The following IKZF2 variants were observed in gnomAD, a reference collection of about 807,000 sequenced individuals.
IKZF2 encodes the protein zinc finger protein Helios.
A neutral mutation model predicts 49.2 loss-of-function variants in IKZF2; 15 were observed. The ratio of observed to expected loss-of-function variants is 0.30; its 90% CI spans 0.20 to 0.47. IKZF2 has a LOEUF of 0.47. IKZF2 is among the 20% of genes least tolerant of loss of function. IKZF2 has a pLI of 1.00. For missense variants in IKZF2, 567 were observed against 664.6 expected (o/e 0.85, Z 1.61); for synonymous variants, 227 against 221.4 (o/e 1.03, Z -0.23).
intron 4 of IKZF2, among the ~76,000 whole-genome samples, chr2:213,075,650 T>A (rs62187851): frequency 0.3 from 46,052 of 151,992 alleles, 8,062 homozygotes; most frequent in Non-Finnish European, 0.4. Flanking sequence ...AAAACTAGAA[T>A]CCTCAAAGGA....
rs948833010 is a variant in IKZF2, at chr2:213,054,013, G to A, written c.406+2820C>T. On this transcript the variant is annotated intron_variant, in intron 5 of 8. Coordinates refer to ENST00000434687, the MANE Select transcript of IKZF2 (RefSeq NM_001387220.1). Reference sequence around the variant, plus strand: ...CACGCCTGTAATCCCAGCACTTTGAGAGGCTAGGGTGGGTGGAACAACTGA... The same window carrying A: ...CACGCCTGTAATCCCAGCACTTTGAAAGGCTAGGGTGGGTGGAACAACTGA... Among the ~76,000 whole-genome samples the A allele has an allele frequency of 2.8e-4, 42 of 152,172 alleles. 1 individual carries two copies.
intron 4 of IKZF2, among the ~76,000 whole-genome samples, chr2:213,127,828 A>G (rs1357297307): frequency 2.0e-5 from 3 of 152,166 alleles, no homozygotes; most frequent in Non-Finnish European, 4.4e-5. Context: ...CCAATTAACT[A>G]ACTTAAGAAT....
intron 4 of IKZF2, among the ~76,000 whole-genome samples, chr2:213,086,513 G>A (rs1326613814): frequency 6.6e-6 from 1 of 152,172 alleles, no homozygotes; most frequent in Non-Finnish European, 1.5e-5. Flanking sequence ...CTGATCCCAT[G>A]GTATTAAGGT....
At chr2:213,059,666 G>A (rs1701494430) in intron 4 of IKZF2, among the ~76,000 whole-genome samples, 1 of 151,480 alleles carries the variant, frequency 6.6e-6, no homozygotes, top group Admixed American at 6.6e-5. Context: ...TGTAGTTTTA[G>A]AACCTGAAAC....
intron 4 of IKZF2, among the ~76,000 whole-genome samples, chr2:213,111,130 T>C (rs146191712): frequency 1.3e-5 from 2 of 152,184 alleles, no homozygotes; most frequent in East Asian, 3.8e-4. Flanking sequence ...TTATTTTAAA[T>C]GAATTAATCC....
At position 213,011,794 on chromosome 2, in the gene IKZF2, A is replaced by G. The variant is rs114978697; in HGVS notation, c.856+1997T>C. On this transcript the variant is annotated intron_variant, in intron 8 of 8. Coordinates refer to ENST00000434687, the MANE Select transcript of IKZF2 (RefSeq NM_001387220.1). ...AGCCTGTGGAATTTTCTCCAAAAGT[A>G]CCAGATGTGCAGGCTGGGGTGCACA... Among the ~76,000 whole-genome samples the G allele has an allele frequency of 9.4e-3, 1,431 of 151,838 alleles. 24 individuals are homozygous for G. Among genetic ancestry groups the G allele is most frequent in the African/African-American group, 0.033 (1,366 of 41,418 alleles).
chr2:213,072,884 G>A (rs890591015), intron 4 of IKZF2, among the ~76,000 whole-genome samples: 1 of 152,044 alleles, frequency 6.6e-6, no homozygotes, highest in African/African-American at 2.4e-5. Flanking sequence ...GTTAGAGACT[G>A]AATTTATGCT....
chr2:213,137,935 C>G (rs1330964794), intron 4 of IKZF2, among the ~76,000 whole-genome samples: 1 of 152,012 alleles, frequency 6.6e-6, no homozygotes, highest in Non-Finnish European at 1.5e-5. Context: ...GTAGGTAGAG[C>G]TGACATAGAC....
rs774979216 is a variant in IKZF2, at chr2:213,005,191, T to TGGTG, written c.*2168_*2169insCACC. On this transcript the variant is annotated 3_prime_UTR_variant, in exon 9 of 9. Coordinates refer to ENST00000434687, the MANE Select transcript of IKZF2 (RefSeq NM_001387220.1). ...CAATTATTATTTGGGAGTGGTTGGG[T>TGGTG]GGGGGGGGGTGAGCGAGTCTCAAAA... 6.5e-5 allele frequency: 5 copies of TGGTG among 76,808 alleles called. No individual in the cohort carries two copies. The highest frequency in any genetic ancestry group is 8.4e-5 in the Non-Finnish European group (3 of 35,864). The allele number at this position is 76,808 out of a possible 1,614,324, so 4.8% of individuals were successfully genotyped here. A position where few individuals can be genotyped will look rare whatever the true frequency, so the allele number is the denominator to read the frequency against.
chr2:213,146,974 A>G (rs1042678528), intron 4 of IKZF2, among the ~76,000 whole-genome samples: 1 of 152,130 alleles, frequency 6.6e-6, no homozygotes, highest in Non-Finnish European at 1.5e-5. Context: ...ATAAAATATT[A>G]TAATTAAGAA....
At chr2:213,115,392 A>C (rs565971178) in intron 4 of IKZF2, among the ~76,000 whole-genome samples, 1 of 152,360 alleles carries the variant, frequency 6.6e-6, no homozygotes, top group Non-Finnish European at 1.5e-5. Flanking sequence ...ACAATGGAAG[A>C]ATTTAACCAC....
At chr2:213,010,665 C>A (rs1240358209) in intron 8 of IKZF2, among the ~76,000 whole-genome samples, 1 of 151,896 alleles carries the variant, frequency 6.6e-6, no homozygotes, top group Admixed American at 6.6e-5. Context: ...GCTGGGGTGT[C>A]CATACATGTG....
At chr2:213,066,637 T>C (rs948183302) in intron 4 of IKZF2, among the ~76,000 whole-genome samples, 1 of 152,040 alleles carries the variant, frequency 6.6e-6, no homozygotes, top group African/African-American at 2.4e-5. Flanking sequence ...TAAGGGGAAT[T>C]AAAGCAATTT....
At position 213,007,324 on chromosome 2, in the gene IKZF2, T is replaced by C. The variant is rs370485433; in HGVS notation, c.*36A>G. ...TGCAGTATTTCTTCATGTGCAGTTCTTTACTTCATAGGGGTCCCCTTTGGA... is the reference window on the plus strand; with the variant it reads ...TGCAGTATTTCTTCATGTGCAGTTCCTTACTTCATAGGGGTCCCCTTTGGA... On this transcript the variant is annotated 3_prime_UTR_variant, in exon 9 of 9. Transcript: ENST00000434687. 27 of 1,592,162 alleles carry C rather than the reference T, an allele frequency of 1.7e-5. No homozygotes were observed. Among genetic ancestry groups the C allele is most frequent in the Non-Finnish European group, 2.0e-5 (23 of 1,169,974 alleles).
chr2:213,090,946 G>A (rs561454143), intron 4 of IKZF2, among the ~76,000 whole-genome samples: 53 of 152,210 alleles, frequency 3.5e-4, no homozygotes, highest in Non-Finnish European at 6.5e-4. Context: ...GTGGTAGTTC[G>A]TTACAGCAAA....
chr2:213,034,309 T>C (rs1031067877), intron 6 of IKZF2, among the ~76,000 whole-genome samples: 2 of 152,216 alleles, frequency 1.3e-5, no homozygotes, highest in African/African-American at 4.8e-5. Flanking sequence ...CATTTTAAAT[T>C]TTCTTCAATA....
intron 7 of IKZF2, among the ~76,000 whole-genome samples, chr2:213,016,731 C>T (rs77519862): frequency 6.6e-6 from 1 of 152,260 alleles, no homozygotes; most frequent in East Asian, 1.9e-4. Flanking sequence ...CATTAGATCA[C>T]TGTTTCATCA....
chr2:213,094,268 G>A (rs1705698691), intron 4 of IKZF2, among the ~76,000 whole-genome samples: 1 of 152,110 alleles, frequency 6.6e-6, no homozygotes, highest in Non-Finnish European at 1.5e-5. Flanking sequence ...GTAGCTAGAG[G>A]TAAAGAGTAA....
At chr2:213,012,444 A>T (rs1236886456) in intron 8 of IKZF2, among the ~76,000 whole-genome samples, 2 of 152,028 alleles carry the variant, frequency 1.3e-5, no homozygotes, top group African/African-American at 4.8e-5. Flanking sequence ...GTTAGATTTA[A>T]GCATTTAATG....
Sources: allele counts gnomAD v4.1 joint callset (sites outside exome capture counted in the v4.1 genomes callset), GRCh38; gene constraint gnomAD v4.1.1; transcripts MANE v1.5; gene names NCBI Gene and HGNC (gene_info 2026-07-23, HGNC 2026-07-21).